ZMYND11: variants seen among roughly 807,000 people sequenced by gnomAD.
ZMYND11 encodes the protein zinc finger MYND-type containing 11.
ZMYND11 carries 9 observed loss-of-function variants against 84.9 expected under a neutral mutation model. The observed-to-expected ratio is 0.11, with a 90% CI of 0.06 to 0.18. The LOEUF is 0.18. ZMYND11 is among the 10% of genes least tolerant of loss of function. The probability of loss-of-function intolerance (pLI) is 1.00; values close to 1 mark genes in which losing one functional copy is unlikely to be tolerated. For missense variants in ZMYND11, 409 were observed against 761.0 expected, an observed-to-expected ratio of 0.54 and a Z score of 5.44; for synonymous variants, 250 against 244.1, an observed-to-expected ratio of 1.02 and a Z score of -0.23.
chr10:181,020 A>G (rs2130726962), intron 2 of ZMYND11, among the ~76,000 whole-genome samples: 1 of 152,130 alleles, frequency 6.6e-6, no homozygotes, highest in Admixed American at 6.5e-5. Flanking sequence ...GCTTCTATTT[A>G]CATGTTGTAT....
intron 2 of ZMYND11, among the ~76,000 whole-genome samples, chr10:186,642 CAAAA>C (rs56345833): frequency 2.1e-5 from 2 of 95,152 alleles, no homozygotes; most frequent in African/African-American, 4.0e-5. Context: ...AGGACTCTCT[CAAAA>C]AAAAAAAAAA....
intron 1 of ZMYND11, among the ~76,000 whole-genome samples, chr10:178,257 C>T (rs782577448): frequency 1.3e-5 from 2 of 152,098 alleles, no homozygotes; most frequent in East Asian, 1.9e-4. Context: ...CAAGGGTCGC[C>T]GTTTATACAG....
intron 1 of ZMYND11, among the ~76,000 whole-genome samples, chr10:168,344 GTGGTA>G (rs1201906503): frequency 6.6e-6 from 1 of 152,028 alleles, no homozygotes; most frequent in African/African-American, 2.4e-5. Context: ...GCCAGGCATG[GTGGTA>G]TGTGTACCTG....
chr10:180,205 C>G (rs1264502861), intron 2 of ZMYND11, 77 bp downstream of exon 2: 2 of 1,058,104 alleles, frequency 1.9e-6, no homozygotes, highest in African/African-American at 1.6e-5. Flanking sequence ...AAAATTTTAT[C>G]TGTTATGCTA....
At chr10:223,158 T>C (rs1225502654) in intron 4 of ZMYND11, among the ~76,000 whole-genome samples, 1 of 151,548 alleles carries the variant, frequency 6.6e-6, no homozygotes, top group Non-Finnish European at 1.5e-5. Context: ...GCCTCCCGAG[T>C]AGCTGGGATT....
chr10:133,499 T>C (rs61836331), upstream of ZMYND11, among the ~76,000 whole-genome samples: 2 of 152,204 alleles, frequency 1.3e-5, no homozygotes, highest in African/African-American at 4.8e-5. Context: ...TATAAAATTT[T>C]AAATGATCCC....
intron 2 of ZMYND11, among the ~76,000 whole-genome samples, chr10:190,260 G>T (rs755763976): frequency 2.6e-5 from 4 of 151,908 alleles, no homozygotes; most frequent in Admixed American, 6.6e-5. Context: ...TCTTCCCATC[G>T]TTGGTGTTAG....
At chr10:235,938 A>G (rs191724915) in intron 4 of ZMYND11, among the ~76,000 whole-genome samples, 29 of 152,368 alleles carry the variant, frequency 1.9e-4, no homozygotes, top group African/African-American at 6.3e-4. Context: ...TATGTGAGAA[A>G]TATTTGTCCT....
upstream of ZMYND11, among the ~76,000 whole-genome samples, chr10:133,589 G>C (rs114854423): frequency 0.01 from 1,546 of 152,204 alleles, 22 homozygotes; most frequent in African/African-American, 0.035. Flanking sequence ...TTATTGATAC[G>C]ATGTTGTCTT....
chr10:250,136 AC>A (rs1428379767), intron 14 of ZMYND11, among the ~76,000 whole-genome samples: 1 of 152,206 alleles, frequency 6.6e-6, no homozygotes, highest in African/African-American at 2.4e-5. Flanking sequence ...TGAGGAGCTG[AC>A]AAGCTCTGAC....
chr10:160,429 T>G (rs141863646), intron 1 of ZMYND11, among the ~76,000 whole-genome samples: 1 of 152,170 alleles, frequency 6.6e-6, no homozygotes, highest in African/African-American at 2.4e-5. Flanking sequence ...GCTGACTGAT[T>G]AGGGTGGTGG....
At position 254,144 on chromosome 10, in the gene ZMYND11, T is replaced by TAA. The variant is rs1240171874; in HGVS notation, c.*1675_*1676dup. ...TGGAGATGTCAGAACCGAGAACACT[T>TAA]AACCTTCTTTGATTGTTTTTCAAGT... On this transcript the variant is annotated 3_prime_UTR_variant, in exon 15 of 15. Coordinates refer to ENST00000381604, the MANE Select transcript of ZMYND11 (RefSeq NM_001370100.5). 2 of 152,612 alleles carry TAA rather than the reference T, an allele frequency of 1.3e-5. No homozygotes were observed. The highest frequency in any genetic ancestry group is 2.9e-5 in the Non-Finnish European group (2 of 68,038). The allele number at this position is 152,612 out of a possible 1,614,324, so 9.5% of individuals were successfully genotyped here.
At chr10:206,622 T>G (rs1221136129) in intron 2 of ZMYND11, among the ~76,000 whole-genome samples, 1 of 152,186 alleles carries the variant, frequency 6.6e-6, no homozygotes, top group Non-Finnish European at 1.5e-5. Context: ...GGTAGCATTT[T>G]TATGATATGC....
intron 2 of ZMYND11, among the ~76,000 whole-genome samples, chr10:183,480 C>T (rs370069587): frequency 7.9e-5 from 12 of 152,176 alleles, no homozygotes; most frequent in African/African-American, 2.4e-4. Flanking sequence ...TAGCAATTGA[C>T]GCTAGATCCA....
intron 13 of ZMYND11, 96 bp downstream of exon 13, chr10:248,704 TA>T: frequency 6.9e-7 from 1 of 1,451,968 alleles, no homozygotes. Context: ...TAGCAGCTTT[TA>T]CATGTAGCCA....
chr10:241,591 A>C (rs1010096282), intron 9 of ZMYND11, among the ~76,000 whole-genome samples: 7 of 152,280 alleles, frequency 4.6e-5, no homozygotes, highest in Admixed American at 3.9e-4. Context: ...TACAGCTTCA[A>C]ACCGTGCACT....
intron 1 of ZMYND11, among the ~76,000 whole-genome samples, chr10:140,957 A>G (rs1837360709): frequency 6.6e-6 from 1 of 152,238 alleles, no homozygotes; most frequent in Non-Finnish European, 1.5e-5. Flanking sequence ...ATAGAATACT[A>G]CTGTATCAGA....
intron 2 of ZMYND11, among the ~76,000 whole-genome samples, chr10:199,413 A>G (rs1458971369): frequency 1.3e-5 from 2 of 151,440 alleles, no homozygotes; most frequent in Non-Finnish European, 2.9e-5. Context: ...TATCCTTATT[A>G]TATACACTGT....
intron 1 of ZMYND11, among the ~76,000 whole-genome samples, chr10:172,670 C>G (rs1845628669): frequency 2.6e-5 from 4 of 152,120 alleles, no homozygotes; most frequent in Admixed American, 2.6e-4. Context: ...GTCCATTCTT[C>G]CCACTTTTAT....
Sources: allele counts gnomAD v4.1 joint callset (sites outside exome capture counted in the v4.1 genomes callset), GRCh38; gene constraint gnomAD v4.1.1; transcripts MANE v1.5; gene names NCBI Gene and HGNC (gene_info 2026-07-23, HGNC 2026-07-21).